Variants in ANKS1B observed in about 807,000 individuals in gnomAD.
The protein encoded by ANKS1B is ankyrin repeat and sterile alpha motif domain containing 1B, also known as ankyrin repeat and sterile alpha motif domain-containing protein 1B.
A neutral mutation model predicts 148.3 loss-of-function variants in ANKS1B; 36 were observed. The ratio of observed to expected loss-of-function variants is 0.24; its 90% CI spans 0.19 to 0.32. The LOEUF is 0.32. Ranked by LOEUF, ANKS1B falls within the 10% of genes least tolerant of loss-of-function variation. The pLI is 1.00. For synonymous variants in ANKS1B, 542 were observed against 560.8 expected, an observed-to-expected ratio of 0.97 and a Z score of 0.47; for missense variants, 1,157 against 1,542.6, an observed-to-expected ratio of 0.75 and a Z score of 4.19.
chr12:99,454,155 G>T (rs150932464), intron 10 of ANKS1B, among the ~76,000 whole-genome samples: 1 of 152,290 alleles, frequency 6.6e-6, no homozygotes, highest in African/African-American at 2.4e-5. Flanking sequence ...TGGAGATGAT[G>T]TTGGCAAGAT....
intron 11 of ANKS1B, among the ~76,000 whole-genome samples, chr12:99,410,754 T>C (rs997446294): frequency 6.6e-6 from 1 of 152,244 alleles, no homozygotes; most frequent in Non-Finnish European, 1.5e-5. Context: ...ACGACTGTGA[T>C]TGAATCAGGG....
At chr12:98,980,530 G>C (rs1292423432) in intron 17 of ANKS1B, among the ~76,000 whole-genome samples, 2 of 152,090 alleles carry the variant, frequency 1.3e-5, no homozygotes, top group African/African-American at 4.8e-5. Context: ...TAACATTCTT[G>C]TATGCTAGTT....
intron 20 of ANKS1B, among the ~76,000 whole-genome samples, chr12:98,807,514 GTA>G (rs61337017): frequency 4.6e-5 from 7 of 150,542 alleles, no homozygotes; most frequent in African/African-American, 7.3e-5. Context: ...ATACATGTGT[GTA>G]TATATATATA....
chr12:99,222,825 G>A (rs1176364167), intron 14 of ANKS1B, among the ~76,000 whole-genome samples: 1 of 152,168 alleles, frequency 6.6e-6, no homozygotes, highest in African/African-American at 2.4e-5. Flanking sequence ...CTGAAAGTGG[G>A]TAAGAACACT....
rs2073910889 is a variant in ANKS1B, at chr12:99,246,646, G to C, written c.1975C>G (p.Pro659Ala). ...KQSPIENNSE[P>A]LVKKIKPKVV... ...TTGGGTTTAATTTTCTTTACCAAAG[G>C]TTCTGAGTTATTTTCTATTGGAGAC... Residue 659 changes from proline (P) to alanine (A), a missense_variant, in exon 13 of 27, where the codon CCT becomes GCT. This residue lies in a region of ANKS1B where 661 missense variants were observed against 642.1 expected (regional missense o/e 1.03). Transcript: ENST00000683438. 2 of 1,613,652 alleles carry C rather than the reference G, an allele frequency of 1.2e-6. No homozygotes were observed. The highest frequency in any genetic ancestry group is 4.5e-5 in the East Asian group (2 of 44,862).
At chr12:98,932,639 T>C (rs2099814717) in intron 17 of ANKS1B, among the ~76,000 whole-genome samples, 2 of 152,184 alleles carry the variant, frequency 1.3e-5, no homozygotes, top group Non-Finnish European at 2.9e-5. Context: ...ATGGAAGCAG[T>C]CTCATGGTTT....
At chr12:99,390,890 T>A (rs1341080254) in intron 12 of ANKS1B, among the ~76,000 whole-genome samples, 1 of 152,184 alleles carries the variant, frequency 6.6e-6, no homozygotes, top group Non-Finnish European at 1.5e-5. Flanking sequence ...GAAAGACAGA[T>A]GGCCGACCTG....
chr12:99,124,434 G>A (rs1198623346), intron 15 of ANKS1B, among the ~76,000 whole-genome samples: 12 of 152,002 alleles, frequency 7.9e-5, no homozygotes, highest in Admixed American at 2.0e-4. Context: ...GTGTGTGTGT[G>A]TATGTGTGTA....
At chr12:99,546,275 T>A (rs1200254238) in intron 9 of ANKS1B, among the ~76,000 whole-genome samples, 1 of 152,192 alleles carries the variant, frequency 6.6e-6, no homozygotes, top group East Asian at 1.9e-4. Flanking sequence ...GTAAGCATTC[T>A]TGAACACTAA....
chr12:98,981,198 T>G, intron 17 of ANKS1B, among the ~76,000 whole-genome samples: 1 of 152,114 alleles, frequency 6.6e-6, no homozygotes, highest in South Asian at 2.1e-4. Context: ...TCCCAGCTAC[T>G]CAGGAGCCAT....
At chr12:99,049,740 T>C (rs2153520715) in intron 17 of ANKS1B, among the ~76,000 whole-genome samples, 1 of 152,332 alleles carries the variant, frequency 6.6e-6, no homozygotes, top group East Asian at 1.9e-4. Flanking sequence ...TGCCAGATTA[T>C]TTTCATGGGG....
At chr12:99,129,792 C>T (rs915583422) in intron 15 of ANKS1B, among the ~76,000 whole-genome samples, 3 of 152,282 alleles carry the variant, frequency 2.0e-5, no homozygotes, top group South Asian at 4.1e-4. Flanking sequence ...CCATTTAAGA[C>T]TATCTATTAC....
At chr12:99,614,021 T>C (rs957204335) in intron 9 of ANKS1B, among the ~76,000 whole-genome samples, 23 of 152,068 alleles carry the variant, frequency 1.5e-4, no homozygotes, top group African/African-American at 5.3e-4. Context: ...ATTCCTAATT[T>C]TTTTTTTCAC....
At chr12:99,637,694 T>C (rs1321511988) in intron 9 of ANKS1B, among the ~76,000 whole-genome samples, 1 of 151,924 alleles carries the variant, frequency 6.6e-6, no homozygotes, top group Non-Finnish European at 1.5e-5. Context: ...GTTCTTCAGC[T>C]TTGGGATTCA....
At chr12:99,462,781 C>T (rs146964316) in intron 10 of ANKS1B, among the ~76,000 whole-genome samples, 1 of 152,196 alleles carries the variant, frequency 6.6e-6, no homozygotes, top group Non-Finnish European at 1.5e-5. Context: ...ATGGATCCCT[C>T]ATGAATGGCC....
chr12:99,374,603 G>A (rs980928250), intron 12 of ANKS1B, among the ~76,000 whole-genome samples: 27 of 152,168 alleles, frequency 1.8e-4, no homozygotes, highest in Non-Finnish European at 1.2e-4. Flanking sequence ...TGTTTAATAT[G>A]GGAAGTGTTT....
rs149670348 is a variant in ANKS1B at position 99,181,990 on chromosome 12, T to C, written c.2420-27595A>G. Among the ~76,000 whole-genome samples, 1,206 of 152,232 alleles carry C rather than the reference T, an allele frequency of 7.9e-3. 19 individuals carry two copies. Among genetic ancestry groups the C allele is most frequent in the African/African-American group, 0.028 (1,158 of 41,538 alleles). On this transcript the variant is annotated intron_variant, in intron 14 of 26. Coordinates refer to ENST00000683438, the MANE Select transcript of ANKS1B (RefSeq NM_001352186.2). ...TACCCTTCCCAGCTTCTGGTAACCA[T>C]ATGTATTAGTCCATTTTCACACTGC...
At chr12:99,464,464 G>T (rs987578686) in intron 10 of ANKS1B, among the ~76,000 whole-genome samples, 6 of 152,214 alleles carry the variant, frequency 3.9e-5, no homozygotes, top group Non-Finnish European at 8.8e-5. Flanking sequence ...CGAGTTGAGA[G>T]AAGAAGGCTT....
At chr12:98,838,665 G>T (rs142738135) in intron 17 of ANKS1B, among the ~76,000 whole-genome samples, 1 of 152,210 alleles carries the variant, frequency 6.6e-6, no homozygotes, top group East Asian at 1.9e-4. Flanking sequence ...TCCATTTTAG[G>T]GGGTAGATTA....
Sources: allele counts gnomAD v4.1 joint callset (sites outside exome capture counted in the v4.1 genomes callset), GRCh38; gene constraint gnomAD v4.1.1; regional missense constraint gnomAD v4.1.1; transcripts MANE v1.5; gene names NCBI Gene and HGNC (gene_info 2026-07-23, HGNC 2026-07-21).